Variants in CLDN14 observed in about 807,000 individuals in gnomAD.
CLDN14 encodes claudin 14, also known as claudin-14.
CLDN14 carries 2 observed loss-of-function variants against 2.1 expected under a neutral mutation model. That is an observed-to-expected ratio of 0.96 (90% CI 0.39 to 3.01). The LOEUF (loss-of-function observed/expected upper bound fraction) is 3.01, where lower values mean the gene tolerates loss of function less well. CLDN14 is among the 30% of genes most tolerant of loss of function. CLDN14 has a pLI of 0.09. For missense variants in CLDN14, 298 were observed against 328.0 expected (o/e 0.91, Z 0.71); for synonymous variants, 136 against 154.4 (o/e 0.88, Z 0.88).
At chr21:36,491,839 C>G (rs764132891) in intron 2 of CLDN14, among the ~76,000 whole-genome samples, 1 of 152,100 alleles carries the variant, frequency 6.6e-6, no homozygotes, top group Non-Finnish European at 1.5e-5. Flanking sequence ...CGCCTCTCTT[C>G]CCAAGCACCC....
chr21:36,534,511 G>T (rs1435797331), intron 1 of CLDN14, among the ~76,000 whole-genome samples: 2 of 152,160 alleles, frequency 1.3e-5, no homozygotes, highest in African/African-American at 2.4e-5. Flanking sequence ...GCCGATGCCT[G>T]GCAATCCTTC....
In CLDN14 at chr21:36,498,782, C is replaced by T. The variant is rs1285406528; in HGVS notation, c.-82+11581G>A. On this transcript the variant is annotated intron_variant, in intron 2 of 2. Transcript: ENST00000342108. This position sits in a 1 kb window ranked among gnomAD's most constrained non-coding sequence, Gnocchi z 4.9. The stretch of plus-strand genomic sequence containing the variant: ...ACCAGTCTCAGTTCAGGTCTGGGCC[C>T]CACTGGCTGCGTCTGCCTGGACACC... 3.9e-5 allele frequency among the ~76,000 whole-genome samples: 6 copies of T among 152,192 alleles called. No individual in the cohort carries two copies. Among genetic ancestry groups the T allele is most frequent in the Admixed American group, 1.3e-4 (2 of 15,274 alleles).
rs76032302 is a variant in CLDN14, at chr21:36,513,826, T to G, written c.-219-3326A>C. 8.9e-3 allele frequency among the ~76,000 whole-genome samples: 1,359 copies of G among 151,996 alleles called. 46 individuals carry two copies. The East Asian group carries it at 0.13, about 15-fold the overall frequency. Reference sequence around the variant, plus strand: ...CCCCTGGGATAATTGATACGAGTTCTTTCTTTCTTTCTTTTTTAAAATTGA... The same window carrying G: ...CCCCTGGGATAATTGATACGAGTTCGTTCTTTCTTTCTTTTTTAAAATTGA... On this transcript the variant is annotated intron_variant, in intron 1 of 2. Coordinates refer to the CLDN14 transcript ENST00000342108.
intron 1 of CLDN14, among the ~76,000 whole-genome samples, chr21:36,549,746 C>T (rs1263055287): frequency 5.3e-5 from 8 of 152,202 alleles, no homozygotes; most frequent in Admixed American, 2.0e-4. Context: ...CAAGGGTGGA[C>T]ATCGGTGAAC....
intron 1 of CLDN14, among the ~76,000 whole-genome samples, chr21:36,528,705 G>A (rs1002767623): frequency 6.7e-4 from 102 of 152,202 alleles, no homozygotes; most frequent in Non-Finnish European, 2.5e-4. Flanking sequence ...ACCCTGGGCC[G>A]CAGGCTGGCT....
At chr21:36,487,007 CTG>C in intron 2 of CLDN14, 1 of 322,814 alleles carries the variant, frequency 3.1e-6, no homozygotes, top group Admixed American at 4.3e-5. Flanking sequence ...TTTTTTGAGA[CTG>C]AGTCTTGCTC....
In CLDN14 at chr21:36,544,574, C is replaced by T. The variant is rs1236900273; in HGVS notation, c.-220+31837G>A. Among the ~76,000 whole-genome samples, 2 of 152,156 alleles carry T rather than the reference C, an allele frequency of 1.3e-5. No homozygotes were observed. Among genetic ancestry groups the T allele is most frequent in the Non-Finnish European group, 2.9e-5 (2 of 68,030 alleles). ...TTCCTGTGCACTAACCACAGGCATC[C>T]CCTCCTCCAGAGCACACTCACTCTC... On this transcript the variant is annotated intron_variant, in intron 1 of 2. Coordinates refer to the CLDN14 transcript ENST00000342108. The surrounding 1 kb of genome is among the most constrained non-coding windows in gnomAD (Gnocchi z 4.1).
chr21:36,486,397 TG>T, intron 2 of CLDN14: 1 of 1,100,884 alleles, frequency 9.1e-7, no homozygotes, highest in Non-Finnish European at 1.4e-6. Context: ...GCTGCTCGTC[TG>T]GGCTCCTCAT....
chr21:36,478,416 C>T (rs187070979), intron 1 of CLDN14, among the ~76,000 whole-genome samples: 18 of 152,342 alleles, frequency 1.2e-4, no homozygotes, highest in African/African-American at 3.8e-4. Context: ...GGAATAGCTC[C>T]TCTGCAGAGA....
intron 1 of CLDN14, among the ~76,000 whole-genome samples, chr21:36,470,859 C>G (rs1431008193): frequency 1.3e-5 from 2 of 152,140 alleles, no homozygotes; most frequent in Non-Finnish European, 2.9e-5. Context: ...GCCTATAATC[C>G]CAGCTACTTT....
chr21:36,522,636 A>G (rs1376773041), intron 1 of CLDN14, among the ~76,000 whole-genome samples: 5 of 152,218 alleles, frequency 3.3e-5, no homozygotes, highest in Non-Finnish European at 5.9e-5. Flanking sequence ...ACCGGAGAAC[A>G]GCGCAAGAAG....
intron 1 of CLDN14, among the ~76,000 whole-genome samples, chr21:36,525,417 G>T (rs1050471922): frequency 1.3e-5 from 2 of 151,350 alleles, no homozygotes; most frequent in Admixed American, 6.6e-5. Flanking sequence ...AAGACTTGAA[G>T]CTGGCAGCGA....
chr21:36,480,710 G>A (rs530950679), upstream of CLDN14: 1 of 152,308 alleles, frequency 6.6e-6, no homozygotes, highest in East Asian at 1.9e-4. Context: ...TGTGCTGAGA[G>A]CCATGGATTT....
At chr21:36,575,643 G>A (rs942338972) in intron 1 of CLDN14, among the ~76,000 whole-genome samples, 2 of 152,190 alleles carry the variant, frequency 1.3e-5, no homozygotes, top group African/African-American at 2.4e-5. Flanking sequence ...TACAGTGCTC[G>A]CATGAAACAT....
chr21:36,549,838 C>T (rs1167622001), intron 1 of CLDN14, among the ~76,000 whole-genome samples: 1 of 152,216 alleles, frequency 6.6e-6, no homozygotes, highest in Non-Finnish European at 1.5e-5. Context: ...CGCAATCGTC[C>T]CCTGGCCTTG....
At chr21:36,543,774 C>T (rs2087508734) in intron 1 of CLDN14, among the ~76,000 whole-genome samples, 1 of 152,142 alleles carries the variant, frequency 6.6e-6, no homozygotes, top group South Asian at 2.1e-4. Context: ...CTGTAATTTA[C>T]ATATATTCAT....
chr21:36,524,150 G>T lies in CLDN14; in HGVS notation c.-219-13650C>A, dbSNP rs973565734. ...TTTTTAATGAGACGGGGTCTCACTT[G>T]CTCTGTCGCCCAGGCTGGAGTGCAG... On this transcript the variant is annotated intron_variant, in intron 1 of 2. Transcript: ENST00000342108. 3.1e-4 allele frequency among the ~76,000 whole-genome samples: 46 copies of T among 150,750 alleles called. 1 individual carries two copies. The highest frequency in any genetic ancestry group is 2.4e-3 in the Admixed American group (36 of 15,148).
chr21:36,548,312 G>A (rs1367441418), intron 1 of CLDN14, among the ~76,000 whole-genome samples: 2 of 152,146 alleles, frequency 1.3e-5, no homozygotes, highest in African/African-American at 4.8e-5. Flanking sequence ...CAATCTCCCG[G>A]CTGGGCCATG....
chr21:36,470,446 C>T (rs771644717), intron 1 of CLDN14, among the ~76,000 whole-genome samples: 6 of 151,806 alleles, frequency 4.0e-5, no homozygotes, highest in African/African-American at 4.8e-5. Flanking sequence ...GCCAGCAACC[C>T]GCGGAGAATC....
Sources: gnomAD v4.1 joint callset for allele counts (sites outside exome capture counted in the v4.1 genomes callset) on GRCh38, gnomAD v4.1.1 for gene constraint, Gnocchi (gnomAD v3.1) non-coding constraint, MANE v1.5 for transcripts, NCBI Gene and HGNC (gene_info 2026-07-23, HGNC 2026-07-21) for gene names.